Variants in CTNNA3 observed in about 807,000 individuals in gnomAD.
CTNNA3 encodes catenin alpha-3.
Under a neutral mutation model 95.7 loss-of-function variants are expected in CTNNA3, and 76 were observed. The observed-to-expected ratio is 0.79, with a 90% confidence interval of 0.66 to 0.96. The LOEUF is 0.96. CTNNA3 is among the 40% of genes least tolerant of loss of function. The probability of loss-of-function intolerance (pLI) is 0.00; values close to 1 mark genes in which losing one functional copy is unlikely to be tolerated. For synonymous variants in CTNNA3, 431 were observed against 374.4 expected (o/e 1.15, Z -1.74); for missense variants, 1,191 against 1,089.8 (o/e 1.09, Z -1.31).
At chr10:66,667,356 T>C (rs1024749798) in intron 9 of CTNNA3, among the ~76,000 whole-genome samples, 1 of 152,144 alleles carries the variant, frequency 6.6e-6, no homozygotes, top group Non-Finnish European at 1.5e-5. Context: ...TTATCTCCTA[T>C]CATCTTGATT....
At chr10:67,237,914 C>T (rs1240667325) in intron 5 of CTNNA3, among the ~76,000 whole-genome samples, 4 of 152,068 alleles carry the variant, frequency 2.6e-5, no homozygotes, top group Non-Finnish European at 5.9e-5. Flanking sequence ...ACAATAAGTG[C>T]CTGAACACTA....
chr10:66,528,894 A>C (rs979001141), intron 10 of CTNNA3, among the ~76,000 whole-genome samples: 2 of 152,148 alleles, frequency 1.3e-5, no homozygotes, highest in African/African-American at 4.8e-5. Flanking sequence ...GTGCAGTGAA[A>C]GACAGAAAAA....
chr10:66,229,697 G>A (rs901207365), intron 13 of CTNNA3, among the ~76,000 whole-genome samples: 2 of 151,524 alleles, frequency 1.3e-5, no homozygotes, highest in Admixed American at 1.3e-4. Context: ...TTGCCTCAGA[G>A]GGCACCTGTT....
intron 7 of CTNNA3, among the ~76,000 whole-genome samples, chr10:66,848,346 A>G (rs1843355389): frequency 6.6e-6 from 1 of 152,196 alleles, no homozygotes; most frequent in Non-Finnish European, 1.5e-5. Flanking sequence ...GGAATGATCT[A>G]GTCAGGCTCT....
At chr10:66,199,238 T>G (rs1462757097) in intron 13 of CTNNA3, among the ~76,000 whole-genome samples, 2 of 152,176 alleles carry the variant, frequency 1.3e-5, no homozygotes, top group African/African-American at 4.8e-5. Context: ...GAAACATCAA[T>G]GGTTTTACAT....
At chr10:67,759,021 T>C (rs1048753245) in intron 1 of CTNNA3, among the ~76,000 whole-genome samples, 22 of 152,108 alleles carry the variant, frequency 1.4e-4, no homozygotes, top group African/African-American at 5.3e-4. Context: ...AGGAAAATCC[T>C]GTAAGTACTA....
intron 11 of CTNNA3, among the ~76,000 whole-genome samples, chr10:66,455,511 C>T (rs1413703008): frequency 6.6e-6 from 1 of 152,100 alleles, no homozygotes; most frequent in Non-Finnish European, 1.5e-5. Flanking sequence ...CTCTAGGTGT[C>T]CCCACTGCTC....
intron 2 of CTNNA3, among the ~76,000 whole-genome samples, chr10:67,630,295 C>T (rs1019288760): frequency 4.6e-5 from 7 of 152,176 alleles, no homozygotes; most frequent in African/African-American, 1.7e-4. Context: ...CTTGCTTTGA[C>T]AAAAGCAATG....
chr10:67,287,688 G>C (rs989875543), intron 5 of CTNNA3, among the ~76,000 whole-genome samples: 1 of 152,128 alleles, frequency 6.6e-6, no homozygotes, highest in Non-Finnish European at 1.5e-5. Flanking sequence ...CATCAGACAT[G>C]TTTTCTAACA....
chr10:67,371,987 G>A (rs1466386156), intron 5 of CTNNA3, among the ~76,000 whole-genome samples: 1 of 152,162 alleles, frequency 6.6e-6, no homozygotes, highest in South Asian at 2.1e-4. Context: ...CAGTGATGAT[G>A]AGCATTTTTT....
intron 3 of CTNNA3, among the ~76,000 whole-genome samples, chr10:67,572,984 G>A (rs767514992): frequency 9.9e-5 from 15 of 152,172 alleles, no homozygotes; most frequent in Non-Finnish European, 1.8e-4. Flanking sequence ...AGCTACTCAG[G>A]AGGCTGAGGT....
chr10:67,727,157 A>T (rs1485622494), intron 1 of CTNNA3, among the ~76,000 whole-genome samples: 3 of 121,512 alleles, frequency 2.5e-5, no homozygotes, highest in Non-Finnish European at 4.8e-5. Flanking sequence ...TTATATAATT[A>T]TATATAATAT....
chr10:67,546,043 A>G (rs1840834932), intron 3 of CTNNA3, among the ~76,000 whole-genome samples: 2 of 152,214 alleles, frequency 1.3e-5, no homozygotes, highest in African/African-American at 4.8e-5. Context: ...AGATTTTAAA[A>G]TAGAGCTAAA....
intron 17 of CTNNA3, among the ~76,000 whole-genome samples, chr10:65,929,943 A>G (rs918160195): frequency 6.6e-6 from 1 of 152,096 alleles, no homozygotes; most frequent in African/African-American, 2.4e-5. Flanking sequence ...TGGTGGAATA[A>G]AGCTTAGGAC....
chr10:67,339,028 A>G (rs543033839), intron 5 of CTNNA3, among the ~76,000 whole-genome samples: 2 of 152,302 alleles, frequency 1.3e-5, no homozygotes, highest in African/African-American at 2.4e-5. Flanking sequence ...AAGTTGACCA[A>G]TATTTCTCTT....
intron 5 of CTNNA3, among the ~76,000 whole-genome samples, chr10:67,316,901 G>T (rs554486709): frequency 6.6e-6 from 1 of 152,150 alleles, no homozygotes; most frequent in East Asian, 1.9e-4. Flanking sequence ...ATTCTAAAGG[G>T]TTTCTTTTAC....
At chr10:67,006,544 CTT>C (rs34245629) in intron 7 of CTNNA3, among the ~76,000 whole-genome samples, 79,340 of 151,622 alleles carry the variant, frequency 0.52, 21,436 homozygotes, top group Middle Eastern at 0.73. Flanking sequence ...TTTCTATTCT[CTT>C]ATAACTTCAA....
Position 67,011,450 on chromosome 10 carries a change from T to C in CTNNA3, c.1047+168867A>G, listed in dbSNP as rs190688061. Among the ~76,000 whole-genome samples, 470 of 151,566 alleles carry C rather than the reference T, an allele frequency of 3.1e-3. 2 individuals are homozygous for C. The highest frequency in any genetic ancestry group is 0.011 in the African/African-American group (435 of 41,400). On this transcript the variant is annotated intron_variant, in intron 7 of 17. Coordinates refer to ENST00000433211, the MANE Select transcript of CTNNA3 (RefSeq NM_013266.4). ...TAGTGAAAAAACAGAAATTTACCCA[T>C]AGAGTGCAATTAGGAAGCCAGAAAG...
intron 9 of CTNNA3, among the ~76,000 whole-genome samples, chr10:66,632,384 T>C (rs970459577): frequency 6.6e-6 from 1 of 151,630 alleles, no homozygotes; most frequent in African/African-American, 2.4e-5. Context: ...TGCAACCCCA[T>C]CTCTACTAAA....
Sources: allele counts gnomAD v4.1 joint callset (sites outside exome capture counted in the v4.1 genomes callset), GRCh38; gene constraint gnomAD v4.1.1; transcripts MANE v1.5; gene names NCBI Gene and HGNC (gene_info 2026-07-23, HGNC 2026-07-21).